WWOX: variants seen among roughly 807,000 people sequenced by gnomAD.
WWOX encodes WW domain containing oxidoreductase, also known as WW domain-containing oxidoreductase.
A neutral mutation model predicts 46.2 loss-of-function variants in WWOX; 69 were observed. The observed-to-expected ratio is 1.49, with a 90% CI of 1.23 to 1.82. WWOX has a LOEUF of 1.82. WWOX is among the 40% of genes most tolerant of loss of function. The pLI, the probability that WWOX is intolerant of heterozygous loss-of-function variation, is 0.00. For synonymous variants in WWOX, 359 were observed against 202.6 expected (o/e 1.77, Z -6.56); for missense variants, 919 against 542.6 (o/e 1.69, Z -6.89).
At chr16:78,824,955 C>G (rs758561634) in intron 8 of WWOX, among the ~76,000 whole-genome samples, 5 of 152,052 alleles carry the variant, frequency 3.3e-5, no homozygotes, top group Non-Finnish European at 5.9e-5. Context: ...GTTTTCATTC[C>G]TGGTAGTAAT....
chr16:78,849,295 G>A (rs1482842927), intron 8 of WWOX, among the ~76,000 whole-genome samples: 1 of 152,132 alleles, frequency 6.6e-6, no homozygotes, highest in East Asian at 1.9e-4. Context: ...GACAGGCCGG[G>A]CGCGGTGGCT....
intron 8 of WWOX, among the ~76,000 whole-genome samples, chr16:78,690,374 G>C (rs1270728582): frequency 6.6e-6 from 1 of 152,086 alleles, no homozygotes; most frequent in African/African-American, 2.4e-5. Flanking sequence ...AGCACAGTGA[G>C]ACCCCGTATC....
chr16:79,056,298 C>A (rs970569058), intron 8 of WWOX, among the ~76,000 whole-genome samples: 1 of 151,758 alleles, frequency 6.6e-6, no homozygotes, highest in Non-Finnish European at 1.5e-5. Context: ...GAAAATAGAA[C>A]CCCTGAAGAA....
chr16:78,700,912 C>G (rs563248092), intron 8 of WWOX, among the ~76,000 whole-genome samples: 34 of 152,274 alleles, frequency 2.2e-4, no homozygotes, highest in African/African-American at 8.2e-4. Context: ...AAAATCATCT[C>G]AAAAGGCAGA....
At chr16:78,845,591 G>C (rs2052277584) in intron 8 of WWOX, among the ~76,000 whole-genome samples, 1 of 152,268 alleles carries the variant, frequency 6.6e-6, no homozygotes, top group Non-Finnish European at 1.5e-5. Flanking sequence ...ACTAAGTGTG[G>C]CTTTGCTGCG....
At chr16:78,125,350 G>A (rs1319392267) in intron 4 of WWOX, among the ~76,000 whole-genome samples, 4 of 152,076 alleles carry the variant, frequency 2.6e-5, no homozygotes, top group African/African-American at 9.7e-5. Flanking sequence ...CCCTTCCACT[G>A]TACATGCCAC....
chr16:79,122,841 G>A (rs1334047595), intron 8 of WWOX, among the ~76,000 whole-genome samples: 1 of 152,134 alleles, frequency 6.6e-6, no homozygotes, highest in Non-Finnish European at 1.5e-5. Flanking sequence ...ATCTTCATAT[G>A]CCCATTTTAC....
chr16:78,146,201 G>T (rs1399289178), intron 4 of WWOX, among the ~76,000 whole-genome samples: 2 of 152,142 alleles, frequency 1.3e-5, no homozygotes, highest in African/African-American at 4.8e-5. Flanking sequence ...TGCCTCCCAA[G>T]TGCTTAGGCT....
chr16:79,211,459 C>T (rs1029544179), intron 8 of WWOX, 149 bp from the exon 9 acceptor site: 6 of 962,158 alleles, frequency 6.2e-6, no homozygotes, highest in Admixed American at 2.0e-5. Context: ...CAGTCATGTG[C>T]TTTCAGCCCA....
intron 8 of WWOX, among the ~76,000 whole-genome samples, chr16:79,116,922 T>C (rs1273187774): frequency 6.6e-6 from 1 of 152,162 alleles, no homozygotes; most frequent in Non-Finnish European, 1.5e-5. Context: ...TAGTTGAAAT[T>C]ACTCTTTGAT....
At chr16:78,544,125 A>T (rs905195286) in intron 8 of WWOX, among the ~76,000 whole-genome samples, 1 of 152,192 alleles carries the variant, frequency 6.6e-6, no homozygotes, top group Non-Finnish European at 1.5e-5. Context: ...TTACTTGCAT[A>T]TATTGGCCAA....
At chr16:78,995,335 C>G (rs4888912) in intron 8 of WWOX, among the ~76,000 whole-genome samples, 93,926 of 151,884 alleles carry the variant, frequency 0.62, 30,550 homozygotes, top group Non-Finnish European at 0.73. Context: ...CCTCTCCTGC[C>G]TACAGGTCAT....
intron 8 of WWOX, among the ~76,000 whole-genome samples, chr16:78,816,350 C>T (rs912859535): frequency 6.6e-6 from 1 of 152,060 alleles, no homozygotes; most frequent in Non-Finnish European, 1.5e-5. Flanking sequence ...CAGATGTAAC[C>T]TCATTGATAG....
At chr16:78,726,592 A>G (rs1299021189) in intron 8 of WWOX, among the ~76,000 whole-genome samples, 1 of 152,138 alleles carries the variant, frequency 6.6e-6, no homozygotes, top group African/African-American at 2.4e-5. Flanking sequence ...TAGGTAAATT[A>G]ATGGAGGAAG....
intron 6 of WWOX, among the ~76,000 whole-genome samples, chr16:78,422,740 TATATATACAC>T (rs1254610943): frequency 6.8e-5 from 7 of 102,374 alleles, no homozygotes; most frequent in Admixed American, 1.0e-4. Context: ...TACACACACA[TATATATACAC>T]ATATATACAC....
At chr16:78,118,943 T>A (rs1377582593) in intron 4 of WWOX, 1 of 152,126 alleles carries the variant, frequency 6.6e-6, no homozygotes, top group Non-Finnish European at 1.5e-5. Context: ...TCCTTGACCT[T>A]TGTTTAACCA....
At chr16:78,638,362 C>A (rs1230652726) in intron 8 of WWOX, among the ~76,000 whole-genome samples, 3 of 152,128 alleles carry the variant, frequency 2.0e-5, no homozygotes, top group Admixed American at 6.5e-5. Context: ...CAGCTCTTTT[C>A]ATTCCCTGTC....
chr16:78,381,030 T>C (rs4888801), intron 5 of WWOX, among the ~76,000 whole-genome samples: 142,922 of 152,256 alleles, frequency 0.94, 67,351 homozygotes, highest in African/African-American at 0.99. Flanking sequence ...GAAGCCCAGA[T>C]CCTTCCAGTA....
At chr16:78,675,313 A>C (rs180946107) in intron 8 of WWOX, among the ~76,000 whole-genome samples, 109 of 152,362 alleles carry the variant, frequency 7.2e-4, no homozygotes, top group African/African-American at 2.4e-3. Context: ...AGAACCGTAC[A>C]CTGTAGTAAG....
Sources: gnomAD v4.1 joint callset for allele counts (sites outside exome capture counted in the v4.1 genomes callset) on GRCh38, gnomAD v4.1.1 for gene constraint, MANE v1.5 for transcripts, NCBI Gene and HGNC (gene_info 2026-07-23, HGNC 2026-07-21) for gene names.